Variants in MYO9A observed in about 807,000 individuals in gnomAD.
MYO9A encodes myosin IXA.
A neutral mutation model predicts 293.3 loss-of-function variants in MYO9A; 103 were observed. The ratio of observed to expected loss-of-function variants is 0.35; its 90% CI spans 0.30 to 0.41. The LOEUF (loss-of-function observed/expected upper bound fraction) is 0.41. MYO9A is among the 10% of genes least tolerant of loss of function. The pLI is 1.00. For synonymous variants in MYO9A, 1,001 were observed against 1,035.7 expected, an observed-to-expected ratio of 0.97 and a Z score of 0.64; for missense variants, 2,685 against 3,033.0, an observed-to-expected ratio of 0.89 and a Z score of 2.69.
chr15:71,970,402 C>A (rs899215604), intron 12 of MYO9A, among the ~76,000 whole-genome samples: 3 of 152,144 alleles, frequency 2.0e-5, no homozygotes, highest in Non-Finnish European at 4.4e-5. Flanking sequence ...ACTACAAACA[C>A]ACTGCATGAA....
At chr15:72,014,409 G>C (rs2077262216) in intron 6 of MYO9A, among the ~76,000 whole-genome samples, 1 of 152,230 alleles carries the variant, frequency 6.6e-6, no homozygotes, top group Non-Finnish European at 1.5e-5. Context: ...CAAGTGGCCA[G>C]GCACGGTGGC....
chr15:72,050,305 C>CT (rs1398672657), intron 1 of MYO9A, among the ~76,000 whole-genome samples: 1 of 152,036 alleles, frequency 6.6e-6, no homozygotes, highest in South Asian at 2.1e-4. Context: ...ATCTGGGGAG[C>CT]TTTTTCAAAA....
chr15:71,986,838 A>G (rs2076419411), intron 11 of MYO9A, among the ~76,000 whole-genome samples: 1 of 152,190 alleles, frequency 6.6e-6, no homozygotes, highest in Non-Finnish European at 1.5e-5. Flanking sequence ...AAAAAAATTA[A>G]TAAATTTAGT....
At chr15:71,889,770 C>T (rs2057126164) in intron 26 of MYO9A, 1 of 151,996 alleles carries the variant, frequency 6.6e-6, no homozygotes, top group African/African-American at 2.4e-5. Flanking sequence ...AAAACTTATC[C>T]AGGAACTACA....
intron 34 of MYO9A, among the ~76,000 whole-genome samples, chr15:71,854,838 C>T (rs1567200160): frequency 1.3e-5 from 2 of 152,106 alleles, no homozygotes; most frequent in Non-Finnish European, 2.9e-5. Context: ...AAAATTGCTT[C>T]AAAAGCAAAG....
intron 39 of MYO9A, among the ~76,000 whole-genome samples, chr15:71,835,430 T>C (rs527301702): frequency 1.3e-5 from 2 of 152,300 alleles, no homozygotes; most frequent in South Asian, 4.1e-4. Context: ...ATAAGTGAAT[T>C]CAGCAAAGTC....
Position 72,046,043 on chromosome 15 carries a change from T to G in MYO9A, c.521A>C (p.Lys174Thr). The G allele has an allele frequency of 6.2e-7, 1 of 1,613,354 alleles. No homozygotes were observed. The highest frequency in any genetic ancestry group is 8.5e-7 in the Non-Finnish European group (1 of 1,179,776). The change falls in exon 2 of 42, where the codon AAA becomes ACA. Residue 174 changes from lysine (K) to threonine (T), a missense_variant. Physicochemically the swap from Lys to Thr is moderately conservative, Grantham distance 78. Coordinates refer to ENST00000356056, the MANE Select transcript of MYO9A (RefSeq NM_006901.4). ...AATACTGCCAACATAGGTATAAATT[T>G]TTTCATGCTTAAAGCGATTTCGTAG... ...ENLRNRFKHE[K>T]IYTYVGSILI...
intron 15 of MYO9A, among the ~76,000 whole-genome samples, chr15:71,940,530 G>C (rs1352127666): frequency 6.6e-6 from 1 of 151,666 alleles, no homozygotes; most frequent in Non-Finnish European, 1.5e-5. Flanking sequence ...GGCGGAAATA[G>C]CAATAAATAT....
chr15:71,902,042 T>C (rs2143605876), intron 22 of MYO9A, among the ~76,000 whole-genome samples: 1 of 152,222 alleles, frequency 6.6e-6, no homozygotes. Flanking sequence ...CATATCCCTT[T>C]AGAAACAGGA....
In MYO9A at chr15:71,898,231, G is replaced by C; in HGVS notation, c.4272C>G (p.Pro1424=). 6.2e-7 allele frequency: 1 copy of C among 1,614,012 alleles called. No homozygotes were observed. The highest frequency in any genetic ancestry group is 8.5e-7 in the Non-Finnish European group (1 of 1,180,002). Residue 1424 remains proline, a synonymous_variant, in exon 25 of 42, where the codon CCC becomes CCG. Coordinates refer to ENST00000356056, the MANE Select transcript of MYO9A (RefSeq NM_006901.4). ...AATTTGTTTTCAGTGGGTCTTGTTG[G>C]GGGATATAAAAAAAAGTAGGTAGAC... is the stretch of plus-strand genomic sequence containing the variant. The part of the protein sequence containing the change: ...SNSLPTFFYI[P]QQDPLKTNSQ...
intron 39 of MYO9A, among the ~76,000 whole-genome samples, chr15:71,845,376 G>T (rs1250750597): frequency 6.6e-6 from 1 of 152,228 alleles, no homozygotes; most frequent in African/African-American, 2.4e-5. Context: ...ATATTTCTGT[G>T]AAGTGCAGTG....
At chr15:72,001,891 A>G (rs2076876466) in intron 8 of MYO9A, among the ~76,000 whole-genome samples, 1 of 152,174 alleles carries the variant, frequency 6.6e-6, no homozygotes. Flanking sequence ...ATCAGATTAC[A>G]CAAAAATGAC....
chr15:71,987,079 G>A (rs182081442), intron 11 of MYO9A, among the ~76,000 whole-genome samples: 48 of 152,150 alleles, frequency 3.2e-4, no homozygotes, highest in Non-Finnish European at 6.6e-4. Flanking sequence ...TTACCATTGT[G>A]TTGCAGTTGC....
intron 1 of MYO9A, among the ~76,000 whole-genome samples, chr15:72,104,393 A>C (rs1048419623): frequency 2.0e-5 from 3 of 152,258 alleles, no homozygotes; most frequent in Non-Finnish European, 2.9e-5. Flanking sequence ...AGGAAGCATC[A>C]GTATATGAAT....
chr15:71,830,267 A>G lies in MYO9A; in HGVS notation c.6882T>C (p.Ser2294=). Residue 2294 remains serine (S), a synonymous_variant, in exon 40 of 42, where the codon TCT becomes TCC. Coordinates refer to ENST00000356056, the MANE Select transcript of MYO9A (RefSeq NM_006901.4). The stretch of plus-strand genomic sequence containing the variant: ...CAGAAGGCAACCGAACTACAACAGG[A>G]GACGATGGACCTGGATAGTTTCCTC... ...IRRGNYPGPS[S]PVVVRLPSVS... is the part of the protein sequence containing the mutation. 8 of 1,614,038 alleles carry G rather than the reference A, an allele frequency of 5.0e-6. No homozygotes were observed. The highest frequency in any genetic ancestry group is 5.9e-6 in the Non-Finnish European group (7 of 1,179,966).
At position 72,046,574 on chromosome 15, in the gene MYO9A, G is replaced by A; in HGVS notation, c.-11C>T. 6.4e-7 allele frequency: 1 copy of A among 1,573,546 alleles called. No individual in the cohort carries two copies. ...ATCATTTATATTCATATTGGATCCT[G>A]TCCCATCAGCATGGATAGTATATGT... On this transcript the variant is annotated 5_prime_UTR_variant, in exon 2 of 42. The change creates a premature stop within an existing upstream ORF in the 5' untranslated region. Coordinates refer to ENST00000356056, the MANE Select transcript of MYO9A (RefSeq NM_006901.4).
At chr15:71,920,436 G>C (rs1216600259) in intron 18 of MYO9A, among the ~76,000 whole-genome samples, 1 of 152,082 alleles carries the variant, frequency 6.6e-6, no homozygotes, top group Non-Finnish European at 1.5e-5. Context: ...AGGCCCAAAA[G>C]AGCTGCCATG....
chr15:72,117,078 G>C (rs567130886), intron 1 of MYO9A: 6 of 152,218 alleles, frequency 3.9e-5, no homozygotes, highest in Non-Finnish European at 7.3e-5. Context: ...CTTGAGGAGA[G>C]GTCTGTTGAG....
At chr15:71,892,892 G>T in intron 26 of MYO9A, 3 of 970,750 alleles carry the variant, frequency 3.1e-6, no homozygotes, top group Non-Finnish European at 4.0e-6. Flanking sequence ...AGCTGTGAAG[G>T]TTAGCTTTAG....
Sources: allele counts gnomAD v4.1 joint callset (sites outside exome capture counted in the v4.1 genomes callset), GRCh38; gene constraint gnomAD v4.1.1; transcripts MANE v1.5; gene names NCBI Gene and HGNC (gene_info 2026-07-23, HGNC 2026-07-21).